Variants in DOP1B observed in about 807,000 individuals in gnomAD.
The protein encoded by DOP1B is protein DOP1B.
A neutral mutation model predicts 233.5 loss-of-function variants in DOP1B; 174 were observed. The ratio of observed to expected loss-of-function variants is 0.75; its 90% CI spans 0.66 to 0.85. The LOEUF is 0.85. DOP1B is among the 40% of genes least tolerant of loss of function. The pLI, the probability that DOP1B is intolerant of heterozygous loss-of-function variation, is 0.00. For missense variants in DOP1B, 2,652 were observed against 2,846.6 expected (o/e 0.93, Z 1.56); for synonymous variants, 1,190 against 1,185.6 (o/e 1.00, Z -0.08).
chr21:36,278,488 A>G lies in DOP1B; in HGVS notation c.5969+133A>G, dbSNP rs987394219. 3 of 870,392 alleles carry G rather than the reference A, an allele frequency of 3.4e-6. No individual in the cohort carries two copies. In the African/African-American group the frequency reaches 5.1e-5, roughly 15 times the overall value. 53.9% of individuals were successfully genotyped at this position (870,392 alleles called of 1,614,324 possible). A position where few individuals can be genotyped will look rare whatever the true frequency, so the allele number is the denominator to read the frequency against. On this transcript the variant is annotated intron_variant, in intron 30 of 36. Transcript: ENST00000691173. ...ACCCAAATAACAGGACGTCCCTGTC[A>G]CAGGCTCGCATGTTGACCATGTGTT...
At chr21:36,281,034 C>T (rs1390527198) in intron 31 of DOP1B, among the ~76,000 whole-genome samples, 2 of 152,016 alleles carry the variant, frequency 1.3e-5, no homozygotes, top group Non-Finnish European at 2.9e-5. Flanking sequence ...TGGCTGGGCA[C>T]AGTGGCTCAC....
chr21:36,241,416 C>G (rs936836613), intron 18 of DOP1B, among the ~76,000 whole-genome samples: 2 of 151,972 alleles, frequency 1.3e-5, no homozygotes, highest in Admixed American at 1.3e-4. Flanking sequence ...AGACACCCCC[C>G]TCTCCAGATC....
At chr21:36,291,959 C>T (rs1354638940) in intron 35 of DOP1B, 145 bp from the exon 36 acceptor site, 19 of 961,406 alleles carry the variant, frequency 2.0e-5, no homozygotes, top group Admixed American at 3.1e-5. Flanking sequence ...TGATAATAGA[C>T]GTGCAACTCT....
intron 10 of DOP1B, among the ~76,000 whole-genome samples, chr21:36,222,443 G>A (rs756153014): frequency 5.3e-5 from 8 of 151,534 alleles, no homozygotes; most frequent in African/African-American, 9.7e-5. Context: ...TTAGCTGGGC[G>A]TGGTGGTGCA....
At chr21:36,214,582 C>T in intron 9 of DOP1B, 26 bp downstream of exon 9, 6 of 1,584,882 alleles carry the variant, frequency 3.8e-6, no homozygotes, top group Non-Finnish European at 5.2e-6. Context: ...CTGCTTCTAT[C>T]CTATGCTGAA....
chr21:36,224,182 G>A (rs76789355), intron 11 of DOP1B, among the ~76,000 whole-genome samples: 3 of 151,742 alleles, frequency 2.0e-5, no homozygotes, highest in Non-Finnish European at 4.4e-5. Flanking sequence ...CGGAGTCTCT[G>A]TCTCTCACCG....
At position 36,293,505 on chromosome 21, in the gene DOP1B, C is replaced by T. The variant is rs992621899; in HGVS notation, c.6831C>T (p.Ser2277=). Residue 2277 remains serine, a synonymous_variant, in exon 37 of 37, where the codon AGC becomes AGT. Transcript: ENST00000691173. The part of the protein sequence containing the change: ...TPFLDFPVTD[S]PRILKQLEEC... ...TCTTGGACTTTCCTGTCACAGATAG[C>T]CCAAGGATCTTAAAACAACTGGAAG... The T allele has an allele frequency of 6.2e-7, 1 of 1,613,836 alleles. No individual in the cohort carries two copies. The highest frequency in any genetic ancestry group is 8.5e-7 in the Non-Finnish European group (1 of 1,179,908).
chr21:36,265,508 G>A (rs1013302380), intron 26 of DOP1B, among the ~76,000 whole-genome samples: 2 of 152,230 alleles, frequency 1.3e-5, no homozygotes, highest in African/African-American at 2.4e-5. Context: ...CAATGCCGAT[G>A]CTGCACGTCC....
In DOP1B at chr21:36,214,614, G is replaced by A. The variant is rs1183532794; in HGVS notation, c.1129+58G>A. Reference sequence around the variant, plus strand: ...TGAATACAGATTACCTGTTTTCAGGGAAATACAACATGGTGAGATACAACC... The same window carrying A: ...TGAATACAGATTACCTGTTTTCAGGAAAATACAACATGGTGAGATACAACC... On this transcript the variant is annotated intron_variant, in intron 9 of 36. Coordinates refer to ENST00000691173, the MANE Select transcript of DOP1B (RefSeq NM_001320714.2). 5 of 1,413,468 alleles carry A rather than the reference G, an allele frequency of 3.5e-6. No individual in the cohort carries two copies. The African/African-American group carries it at 5.7e-5, about 16-fold the overall frequency. The allele number at this position is 1,413,468 out of a possible 1,614,324, so 87.6% of individuals were successfully genotyped here.
chr21:36,273,625 A>G (rs969812717), intron 27 of DOP1B, among the ~76,000 whole-genome samples: 1 of 152,150 alleles, frequency 6.6e-6, no homozygotes, highest in African/African-American at 2.4e-5. Context: ...AGGTCTGGGA[A>G]GGCACTGCCC....
In DOP1B at chr21:36,247,545, C is replaced by T. The variant is rs147306740; in HGVS notation, c.4726C>T (p.Pro1576Ser). 6.2e-7 allele frequency: 1 copy of T among 1,608,496 alleles called. No homozygotes were observed. Among genetic ancestry groups the T allele is most frequent in the African/African-American group, 1.3e-5 (1 of 74,618 alleles). ...AACCTCCAAGAGGGAAAACATTTCTCCAGATTATCCACTCACCCTTCTAGA... is the reference window on the plus strand; with the variant it reads ...AACCTCCAAGAGGGAAAACATTTCTTCAGATTATCCACTCACCCTTCTAGA... ...STTSKRENIS[P>S]DYPLTLLEGL... Residue 1576 changes from proline (P) to serine (S), a missense_variant, in exon 20 of 37, where the codon CCA becomes TCA. By Grantham distance (74) the Pro-to-Ser change is moderately conservative (BLOSUM62 -1). Around this residue, in one of 3 missense-constraint regions of DOP1B, gnomAD observed 2,617 missense variants for 2,794.3 expected, o/e 0.94. Transcript: ENST00000691173.
chr21:36,171,086 CT>C (rs2065968370), intron 2 of DOP1B, among the ~76,000 whole-genome samples: 1 of 152,210 alleles, frequency 6.6e-6, no homozygotes. Context: ...TGAGATCCGT[CT>C]CAGGTTCAAC....
chr21:36,167,740 T>C (rs1408872108), intron 2 of DOP1B, among the ~76,000 whole-genome samples: 1 of 148,366 alleles, frequency 6.7e-6, no homozygotes, highest in Non-Finnish European at 1.5e-5. Flanking sequence ...ACCACGAATC[T>C]ACTTTCCCTC....
At position 36,251,179 on chromosome 21, in the gene DOP1B, T is replaced by A. The variant is rs749599208; in HGVS notation, c.5016T>A (p.Ile1672=). ...FKTTKTIRQK[I]LDFLNPLTAH... is the part of the protein sequence containing the mutation. Reference sequence around the variant, plus strand: ...TTTTCTAGACCATAAGACAAAAAATTTTAGACTTCTTAAACCCCTTGACGG... The same window carrying A: ...TTTTCTAGACCATAAGACAAAAAATATTAGACTTCTTAAACCCCTTGACGG... The change falls in exon 22 of 37, where the codon ATT becomes ATA. Residue 1672 remains isoleucine, a synonymous_variant. Transcript: ENST00000691173. 21 of 1,612,078 alleles carry A rather than the reference T, an allele frequency of 1.3e-5. No homozygotes were observed. Among genetic ancestry groups the A allele is most frequent in the Non-Finnish European group, 1.5e-5 (18 of 1,179,628 alleles).
At chr21:36,260,780 A>G (rs1411995882) in intron 24 of DOP1B, 48 bp downstream of exon 24, 12 of 1,608,282 alleles carry the variant, frequency 7.5e-6, no homozygotes, top group Non-Finnish European at 9.3e-6. Flanking sequence ...TACAGATGCT[A>G]TTGCAGTGAG....
rs1048479594 is a variant in DOP1B at position 36,272,649 on chromosome 21, C to CA, written c.5632+2510dup. 9.4e-3 allele frequency among the ~76,000 whole-genome samples: 550 copies of CA among 58,594 alleles called. 5 individuals are homozygous for CA. The highest frequency in any genetic ancestry group is 0.071 in the East Asian group (150 of 2,126). The allele number at this position is 58,594 out of a possible 152,430, so 38.4% of individuals were successfully genotyped here. ...GTGACAGAGCGACCAAACTCCATCT[C>CA]AAAAAAAAAAAAAAAAAAGGACTAT... On this transcript the variant is annotated intron_variant, in intron 27 of 36. Coordinates refer to ENST00000691173, the MANE Select transcript of DOP1B (RefSeq NM_001320714.2).
chr21:36,268,891 A>G (rs1357936868), intron 26 of DOP1B, among the ~76,000 whole-genome samples: 2 of 151,764 alleles, frequency 1.3e-5, no homozygotes, highest in Non-Finnish European at 2.9e-5. Context: ...CATGGTCTCA[A>G]TCTCTTGACC....
At chr21:36,253,604 C>T (rs1308272463) in intron 22 of DOP1B, among the ~76,000 whole-genome samples, 168 bp from the exon 23 acceptor site, 2 of 149,864 alleles carry the variant, frequency 1.3e-5, no homozygotes, top group African/African-American at 4.9e-5. Context: ...CACCACTGCA[C>T]TCCAGCCTGG....
chr21:36,176,103 T>TGTGTGTGTGTGTGC (rs2066025596), intron 2 of DOP1B, among the ~76,000 whole-genome samples: 2 of 141,920 alleles, frequency 1.4e-5, no homozygotes, highest in South Asian at 2.2e-4. Context: ...TGTGCGTGTG[T>TGTGTGTGTGTGTGC]GTGTGTGTGT....
Sources: allele counts gnomAD v4.1 joint callset (sites outside exome capture counted in the v4.1 genomes callset), GRCh38; gene constraint gnomAD v4.1.1; regional missense constraint gnomAD v4.1.1; transcripts MANE v1.5; gene names NCBI Gene and HGNC (gene_info 2026-07-23, HGNC 2026-07-21).